CTNNA2: variants seen among roughly 807,000 people sequenced by gnomAD.
CTNNA2 encodes catenin alpha 2.
CTNNA2 carries 42 observed loss-of-function variants against 101.0 expected under a neutral mutation model. That is an observed-to-expected ratio of 0.42 (90% CI 0.32 to 0.54). CTNNA2 has a LOEUF of 0.54. Ranked by LOEUF, CTNNA2 falls within the 20% of genes least tolerant of loss-of-function variation. CTNNA2 has a pLI of 0.14. For missense variants in CTNNA2, 871 were observed against 1,223.1 expected, an observed-to-expected ratio of 0.71 and a Z score of 4.29; for synonymous variants, 450 against 456.4, an observed-to-expected ratio of 0.99 and a Z score of 0.18.
intron 3 of CTNNA2, among the ~76,000 whole-genome samples, chr2:79,360,307 G>A (rs537414195): frequency 6.6e-6 from 1 of 152,152 alleles, no homozygotes; most frequent in Admixed American, 6.5e-5. Context: ...CTGGAAAGAT[G>A]AGAATTTCAA....
intron 7 of CTNNA2, among the ~76,000 whole-genome samples, chr2:80,239,930 AC>A (rs1709758957): frequency 1.3e-5 from 2 of 150,970 alleles, no homozygotes; most frequent in African/African-American, 4.9e-5. Flanking sequence ...AAAACAAAAA[AC>A]AAAACAAAAC....
intron 9 of CTNNA2, among the ~76,000 whole-genome samples, chr2:80,422,298 G>C (rs1680597431): frequency 6.6e-6 from 1 of 152,002 alleles, no homozygotes; most frequent in Admixed American, 6.6e-5. Flanking sequence ...AACAGTATGG[G>C]GAAAACCACC....
intron 2 of CTNNA2, among the ~76,000 whole-genome samples, chr2:79,261,663 T>A (rs1674923524): frequency 6.6e-6 from 1 of 152,222 alleles, no homozygotes. Context: ...GTCTTCCTAT[T>A]CTTATAGGAC....
chr2:80,235,479 T>C (rs912379796), intron 7 of CTNNA2, among the ~76,000 whole-genome samples: 9 of 152,210 alleles, frequency 5.9e-5, no homozygotes, highest in Admixed American at 2.6e-4. Context: ...GCACAGATAC[T>C]GACTGAGGAA....
intron 7 of CTNNA2, among the ~76,000 whole-genome samples, chr2:80,131,259 G>C (rs1352690840): frequency 6.6e-6 from 1 of 152,018 alleles, no homozygotes; most frequent in Non-Finnish European, 1.5e-5. Flanking sequence ...AGATTTCACT[G>C]TGTTAGCCAG....
intron 18 of CTNNA2, among the ~76,000 whole-genome samples, chr2:80,626,976 T>G (rs894040863): frequency 1.3e-5 from 2 of 152,082 alleles, no homozygotes; most frequent in African/African-American, 4.8e-5. Flanking sequence ...TGGTTTTCTG[T>G]TCTTGTGTTA....
At chr2:79,906,786 G>A (rs1323388598) in intron 6 of CTNNA2, among the ~76,000 whole-genome samples, 5 of 152,156 alleles carry the variant, frequency 3.3e-5, no homozygotes, top group South Asian at 2.1e-4. Context: ...TTCCATGCTC[G>A]AATAGATTTG....
intron 3 of CTNNA2, among the ~76,000 whole-genome samples, chr2:79,805,870 G>A (rs915624543): frequency 2.3e-4 from 35 of 151,982 alleles, no homozygotes; most frequent in East Asian, 9.7e-4. Flanking sequence ...CCTGGGAGGC[G>A]GAGCTTGCAG....
intron 7 of CTNNA2, among the ~76,000 whole-genome samples, chr2:80,078,671 C>T (rs1698919421): frequency 1.3e-5 from 2 of 152,118 alleles, no homozygotes. Flanking sequence ...TCTTCTGGCT[C>T]TTTGTGAAAT....
At chr2:80,192,997 A>G (rs1706614868) in intron 7 of CTNNA2, among the ~76,000 whole-genome samples, 1 of 152,100 alleles carries the variant, frequency 6.6e-6, no homozygotes, top group Non-Finnish European at 1.5e-5. Context: ...TGTATACAGG[A>G]TTGTAGGTCA....
At chr2:79,224,845 G>A (rs1297440158) in intron 2 of CTNNA2, among the ~76,000 whole-genome samples, 1 of 150,308 alleles carries the variant, frequency 6.7e-6, no homozygotes, top group Admixed American at 6.6e-5. Flanking sequence ...ACTGTTCTCG[G>A]GCTGTATATA....
intron 18 of CTNNA2, among the ~76,000 whole-genome samples, 169 bp downstream of exon 18, chr2:80,619,397 C>T (rs1670859982): frequency 6.6e-6 from 1 of 151,922 alleles, no homozygotes; most frequent in East Asian, 1.9e-4. Flanking sequence ...AGAAATTCCA[C>T]AGCACAGATA....
chr2:79,304,053 G>A (rs983810203), intron 2 of CTNNA2, among the ~76,000 whole-genome samples: 12 of 152,202 alleles, frequency 7.9e-5, no homozygotes, highest in African/African-American at 2.9e-4. Flanking sequence ...GGCAGTCCAT[G>A]CAGGGTGTGG....
intron 9 of CTNNA2, among the ~76,000 whole-genome samples, chr2:80,432,758 G>A (rs1181373799): frequency 6.6e-6 from 1 of 151,992 alleles, no homozygotes; most frequent in African/African-American, 2.4e-5. Flanking sequence ...AGACACATGA[G>A]CTCTATCACC....
intron 7 of CTNNA2, among the ~76,000 whole-genome samples, chr2:80,295,225 AT>A (rs11371104): frequency 0.014 from 2,057 of 146,944 alleles, 34 homozygotes; most frequent in African/African-American, 0.041. Flanking sequence ...TCCTGAACAA[AT>A]TTTTTTTTTT....
intron 2 of CTNNA2, among the ~76,000 whole-genome samples, chr2:79,663,128 T>C (rs1460557201): frequency 2.0e-5 from 3 of 152,176 alleles, no homozygotes; most frequent in Non-Finnish European, 4.4e-5. Context: ...CCAAGAGTTC[T>C]CCTTAGCTCT....
At chr2:79,597,209 A>T (rs756481790) in intron 1 of CTNNA2, among the ~76,000 whole-genome samples, 6 of 152,184 alleles carry the variant, frequency 3.9e-5, no homozygotes, top group Middle Eastern at 6.8e-3. Context: ...GCGGTGGCTC[A>T]CACCTGTAAT....
At chr2:80,285,975 T>A (rs61102274) in intron 7 of CTNNA2, among the ~76,000 whole-genome samples, 3 of 152,124 alleles carry the variant, frequency 2.0e-5, no homozygotes, top group African/African-American at 7.2e-5. Flanking sequence ...AAATTGACTG[T>A]CAATTTCCAT....
In CTNNA2 at chr2:79,744,893, G is replaced by A. The variant is rs570493910; in HGVS notation, c.298+311G>A. ...GGAGAATGGGATGGGAAGACCTAAC[G>A]TTTATAGAGTCAATGTAAAATCAGG... On this transcript the variant is annotated intron_variant, in intron 3 of 18. Coordinates refer to ENST00000402739, the MANE Select transcript of CTNNA2 (RefSeq NM_001282597.3). Among the ~76,000 whole-genome samples the A allele has an allele frequency of 4.6e-5, 7 of 152,238 alleles. No individual in the cohort carries two copies. In the South Asian group the frequency reaches 1.5e-3, roughly 32 times the overall value.
Sources: gnomAD v4.1 joint callset for allele counts (sites outside exome capture counted in the v4.1 genomes callset) on GRCh38, gnomAD v4.1.1 for gene constraint, MANE v1.5 for transcripts, NCBI Gene and HGNC (gene_info 2026-07-23, HGNC 2026-07-21) for gene names.